The following PIR variants were observed in gnomAD, a reference collection of about 807,000 sequenced individuals.
PIR encodes pirin.
PIR carries 22 observed loss-of-function variants against 24.2 expected under a neutral mutation model. That is an observed-to-expected ratio of 0.91 (90% CI 0.65 to 1.30). The LOEUF (loss-of-function observed/expected upper bound fraction) is 1.30, where lower values mean the gene tolerates loss of function less well. PIR is among the 50% of genes most tolerant of loss of function. The pLI is 0.00. For missense variants in PIR, 220 were observed against 220.3 expected, an observed-to-expected ratio of 1.00 and a Z score of 0.01; for synonymous variants, 80 against 79.6, an observed-to-expected ratio of 1.00 and a Z score of -0.03.
intron 4 of PIR, among the ~76,000 whole-genome samples, chrX:15,456,647 G>A (rs1921096253): frequency 8.9e-6 from 1 of 112,419 alleles, no homozygotes; most frequent in Non-Finnish European, 1.9e-5. Flanking sequence ...TCCTAGGAAG[G>A]GAAGCCGTTG....
At position 15,390,109 on chromosome X, in the gene PIR, A is replaced by C. The variant is rs1923905924; in HGVS notation, c.760+76T>G. On this transcript the variant is annotated intron_variant, in intron 9 of 9. Transcript: ENST00000380420. ...ACAAAAAAAACCAGCTATTCTTCCC[A>C]ACAATAGTATACATGTATACTGTTT... 4 of 488,677 alleles carry C rather than the reference A, an allele frequency of 8.2e-6. No individual in the cohort carries two copies. In the East Asian group the frequency reaches 1.6e-4, roughly 20 times the overall value. The allele number at this position is 488,677 out of a possible 1,213,427, so 40.3% of individuals were successfully genotyped here.
chrX:15,387,740 C>T (rs961946716), intron 9 of PIR, among the ~76,000 whole-genome samples: 4 of 111,334 alleles, frequency 3.6e-5, no homozygotes, highest in East Asian at 5.6e-4. Context: ...TACTCCCATC[C>T]CCCAACTGTT....
chrX:15,458,088 T>A (rs1447323656), intron 4 of PIR, among the ~76,000 whole-genome samples: 2 of 112,452 alleles, frequency 1.8e-5, no homozygotes, highest in East Asian at 5.5e-4. Flanking sequence ...CTCAAAGACA[T>A]CCTCCCATTT....
chrX:15,428,449 A>G (rs1283204280), intron 5 of PIR, among the ~76,000 whole-genome samples: 1 of 112,053 alleles, frequency 8.9e-6, no homozygotes, highest in Non-Finnish European at 1.9e-5. Context: ...GTTTGGTTTA[A>G]GCATCTTTTT....
intron 5 of PIR, among the ~76,000 whole-genome samples, chrX:15,435,827 T>G (rs1925733698): frequency 8.9e-6 from 1 of 112,540 alleles, no homozygotes; most frequent in South Asian, 3.6e-4. Context: ...TTTACCATAC[T>G]GTTTAAAGCA....
chrX:15,447,721 G>A (rs1450386702), intron 5 of PIR, among the ~76,000 whole-genome samples: 1 of 111,925 alleles, frequency 8.9e-6, no homozygotes, highest in African/African-American at 3.2e-5. Flanking sequence ...CTCTGAAGCT[G>A]TCCTGCATTT....
chrX:15,430,178 GCA>G (rs1184433745), intron 5 of PIR, among the ~76,000 whole-genome samples: 1 of 111,449 alleles, frequency 9.0e-6, no homozygotes, highest in Non-Finnish European at 1.9e-5. Context: ...GTTGCAGCAT[GCA>G]CAGAGCTAAT....
At chrX:15,397,408 A>C in intron 8 of PIR, 41 bp downstream of exon 8, 1 of 938,078 alleles carries the variant, frequency 1.1e-6, no homozygotes, top group Non-Finnish European at 1.5e-6. Context: ...AACCAGTAGA[A>C]AGTACATGTT....
At chrX:15,492,544 T>C (rs1923218554) in intron 1 of PIR, among the ~76,000 whole-genome samples, 1 of 111,900 alleles carries the variant, frequency 8.9e-6, no homozygotes, top group South Asian at 3.8e-4. Context: ...CAAAGATTCC[T>C]ACTGAAACGA....
chrX:15,418,605 A>G (rs1374554632), intron 6 of PIR, among the ~76,000 whole-genome samples: 1 of 112,221 alleles, frequency 8.9e-6, no homozygotes, highest in African/African-American at 3.2e-5. Flanking sequence ...ACTGCCTTCC[A>G]AATCATCACT....
intron 7 of PIR, among the ~76,000 whole-genome samples, chrX:15,404,824 C>T (rs1195280053): frequency 9.0e-6 from 1 of 111,569 alleles, no homozygotes; most frequent in Non-Finnish European, 1.9e-5. Context: ...GGTCATTTAG[C>T]CAGCCACTCA....
intron 4 of PIR, among the ~76,000 whole-genome samples, chrX:15,457,255 A>T (rs1921120009): frequency 9.0e-6 from 1 of 111,407 alleles, no homozygotes; most frequent in Non-Finnish European, 1.9e-5. Flanking sequence ...TCACTGACAC[A>T]TATGGTCTGC....
chrX:15,445,030 A>T (rs1926041405), intron 5 of PIR, among the ~76,000 whole-genome samples: 1 of 110,488 alleles, frequency 9.1e-6, no homozygotes, highest in Non-Finnish European at 1.9e-5. Flanking sequence ...CCTCCTTTTC[A>T]CTGCCCAGCT....
At chrX:15,398,669 G>GTGTGTGTGTGT (rs1555952785) in intron 7 of PIR, among the ~76,000 whole-genome samples, 2,945 of 76,032 alleles carry the variant, frequency 0.039, 75 homozygotes, top group Middle Eastern at 0.07. Context: ...GAGGAGGGAG[G>GTGTGTGTGTGT]GTGTGTGTGT....
intron 3 of PIR, among the ~76,000 whole-genome samples, chrX:15,467,965 G>A (rs1033700404): frequency 2.7e-5 from 3 of 111,639 alleles, no homozygotes; most frequent in South Asian, 3.8e-4. Flanking sequence ...TGCCTGGGTC[G>A]CCATGTAATC....
intron 6 of PIR, among the ~76,000 whole-genome samples, chrX:15,421,720 A>G (rs1455782897): frequency 9.0e-6 from 1 of 110,661 alleles, no homozygotes; most frequent in Non-Finnish European, 1.9e-5. Flanking sequence ...ACATTTAAAG[A>G]CAAATTAATA....
At chrX:15,486,444 G>T (rs936331747) in intron 2 of PIR, among the ~76,000 whole-genome samples, 2 of 110,324 alleles carry the variant, frequency 1.8e-5, no homozygotes, top group East Asian at 2.8e-4. Context: ...GGATGGGGCC[G>T]ATGCTATGCT....
At chrX:15,419,326 T>C (rs1925031219) in intron 6 of PIR, among the ~76,000 whole-genome samples, 1 of 103,985 alleles carries the variant, frequency 9.6e-6, no homozygotes, top group Admixed American at 1.1e-4. Context: ...CCTAATGCAG[T>C]GGAAGCATGG....
chrX:15,449,079 G>C (rs1299600057), intron 5 of PIR, among the ~76,000 whole-genome samples: 1 of 111,883 alleles, frequency 8.9e-6, no homozygotes, highest in African/African-American at 3.3e-5. Flanking sequence ...GAGTTATGAA[G>C]ACAGAATGGC....
Sources: gnomAD v4.1 joint callset for allele counts (sites outside exome capture counted in the v4.1 genomes callset) on GRCh38, gnomAD v4.1.1 for gene constraint, MANE v1.5 for transcripts, NCBI Gene and HGNC (gene_info 2026-07-23, HGNC 2026-07-21) for gene names.